Variants in SERAC1 observed in about 807,000 individuals in gnomAD.
SERAC1 encodes protein SERAC1.
Under a neutral mutation model 85.7 loss-of-function variants are expected in SERAC1, and 36 were observed. The observed-to-expected ratio is 0.42, with a 90% confidence interval of 0.32 to 0.55. The LOEUF (loss-of-function observed/expected upper bound fraction) is 0.55. Among genes scored for constraint, SERAC1 ranks in the 20% least tolerant of loss-of-function variants. The pLI, the probability that SERAC1 is intolerant of heterozygous loss-of-function variation, is 0.11. For synonymous variants in SERAC1, 242 were observed against 265.3 expected, an observed-to-expected ratio of 0.91 and a Z score of 0.85; for missense variants, 629 against 796.2, an observed-to-expected ratio of 0.79 and a Z score of 2.53.
intron 16 of SERAC1, 189 bp downstream of exon 16, chr6:158,113,260 G>T (rs897106016): frequency 1.8e-6 from 1 of 545,412 alleles, no homozygotes; most frequent in Non-Finnish European, 3.2e-6. Context: ...GCAGGGAGAG[G>T]TAATACCCGG....
rs1784372807 is a variant in SERAC1 at position 158,119,548 on chromosome 6, G to A, written c.1167-378C>T. Among the ~76,000 whole-genome samples, 2 of 152,136 alleles carry A rather than the reference G, an allele frequency of 1.3e-5. No individual in the cohort carries two copies. Among genetic ancestry groups the A allele is most frequent in the Non-Finnish European group, 2.9e-5 (2 of 68,022 alleles). On this transcript the variant is annotated intron_variant, in intron 11 of 16. Transcript: ENST00000647468. This position sits in a 1 kb window ranked among gnomAD's most constrained non-coding sequence, Gnocchi z 4.5. ...ATTAAAGAAGAACGTGCTAATAACA[G>A]TTTCAAAGTCAGTATATATAAAAGA...
At chr6:158,132,926 C>A (rs775828629) in intron 8 of SERAC1, among the ~76,000 whole-genome samples, 19 of 152,110 alleles carry the variant, frequency 1.2e-4, no homozygotes, top group Non-Finnish European at 2.1e-4. Flanking sequence ...ACATCAAATT[C>A]TATGAGTGCA....
At chr6:158,161,300 T>C (rs1434455214) in intron 1 of SERAC1, 2 of 152,026 alleles carry the variant, frequency 1.3e-5, no homozygotes, top group Non-Finnish European at 2.9e-5. Context: ...GAGGAATTGC[T>C]TGAGCCTGGG....
chr6:158,156,565 T>C (rs997088056), intron 2 of SERAC1, among the ~76,000 whole-genome samples: 1 of 151,528 alleles, frequency 6.6e-6, no homozygotes, highest in African/African-American at 2.4e-5. Context: ...AAACTGTAAT[T>C]CCTGCCCTAA....
intron 6 of SERAC1, 199 bp downstream of exon 6, chr6:158,146,575 ATTTTTTTG>A: frequency 2.4e-6 from 1 of 409,400 alleles, no homozygotes; most frequent in South Asian, 2.4e-5. Flanking sequence ...TGCCTGGCTA[ATTTTTTTG>A]TATTTTTAGT....
chr6:158,112,780 C>T (rs904813235), intron 16 of SERAC1: 1 of 146,742 alleles, frequency 6.8e-6, no homozygotes, highest in Non-Finnish European at 1.5e-5. Context: ...CCAGAGATAA[C>T]AGGCAAGCTG....
intron 10 of SERAC1, among the ~76,000 whole-genome samples, chr6:158,125,517 C>T (rs1784519450): frequency 6.6e-6 from 1 of 152,054 alleles, no homozygotes; most frequent in African/African-American, 2.4e-5. Flanking sequence ...CAGCCTCCAA[C>T]ATACAGCCTC....
At chr6:158,140,040 T>C (rs1476192968) in intron 8 of SERAC1, among the ~76,000 whole-genome samples, 7 of 152,220 alleles carry the variant, frequency 4.6e-5, no homozygotes, top group Non-Finnish European at 7.3e-5. Flanking sequence ...ATTCCACTCC[T>C]AGGTATATAC....
intron 15 of SERAC1, among the ~76,000 whole-genome samples, chr6:158,113,909 A>G (rs1784210083): frequency 6.6e-6 from 1 of 152,162 alleles, no homozygotes; most frequent in Non-Finnish European, 1.5e-5. Flanking sequence ...ACCCACCCCA[A>G]AGCCCAGCCT....
At chr6:158,116,075 TA>T in intron 14 of SERAC1, 109 bp downstream of exon 14, 1 of 789,612 alleles carries the variant, frequency 1.3e-6, no homozygotes, top group Non-Finnish European at 2.1e-6. Context: ...GCAGGGGGGG[TA>T]AGGGAGCCGC....
rs1785183144 is a variant in SERAC1 at position 158,150,675 on chromosome 6, T to C, written c.129-86A>G. 9.4e-6 allele frequency: 9 copies of C among 952,902 alleles called. No individual in the cohort carries two copies. The East Asian group carries it at 1.9e-4, about 20-fold the overall frequency. The allele number at this position is 952,902 out of a possible 1,614,324, so 59.0% of individuals were successfully genotyped here. On this transcript the variant is annotated intron_variant, in intron 3 of 16. Coordinates refer to ENST00000647468, the MANE Select transcript of SERAC1 (RefSeq NM_032861.4). ...CTCTTCTCTATTAAGCTTGTCATAG[T>C]AAACTTCTTTTTTGTTGGGAAACAT...
rs1301905811 is a variant in SERAC1, at chr6:158,117,012, A to G, written c.1403+715T>C. 1 of 153,540 alleles carries G rather than the reference A, an allele frequency of 6.5e-6. No individual in the cohort carries two copies. Among genetic ancestry groups the G allele is most frequent in the Admixed American group, 6.5e-5 (1 of 15,448 alleles). 9.5% of individuals were successfully genotyped at this position (153,540 alleles called of 1,614,324 possible). On this transcript the variant is annotated intron_variant, in intron 13 of 16. Coordinates refer to ENST00000647468, the MANE Select transcript of SERAC1 (RefSeq NM_032861.4). This position sits in a 1 kb window ranked among gnomAD's most constrained non-coding sequence, Gnocchi z 4.3. Reference sequence around the variant, plus strand: ...GAACTTCAAAACTATCTAGTCTGGTAGTTTCAAACTGTTTATTTGTAGACA... The same window carrying G: ...GAACTTCAAAACTATCTAGTCTGGTGGTTTCAAACTGTTTATTTGTAGACA...
At chr6:158,147,210 C>T (rs1321773965) in intron 5 of SERAC1, among the ~76,000 whole-genome samples, 1 of 151,888 alleles carries the variant, frequency 6.6e-6, no homozygotes, top group East Asian at 1.9e-4. Flanking sequence ...ACAATCGTGG[C>T]TCACTGCAGC....
At chr6:158,130,549 A>T (rs757085049) in intron 8 of SERAC1, 63 bp from the exon 9 acceptor site, 90 of 993,432 alleles carry the variant, frequency 9.1e-5, no homozygotes, top group Non-Finnish European at 1.3e-4. Flanking sequence ...GTTTGACAAA[A>T]AAAAAGAAAT....
chr6:158,122,002 C>T (rs1332548903), intron 10 of SERAC1, among the ~76,000 whole-genome samples: 1 of 152,216 alleles, frequency 6.6e-6, no homozygotes, highest in Admixed American at 6.5e-5. Flanking sequence ...TTTCAGTCAA[C>T]AATGAACCAC....
chr6:158,167,843 C>T (rs1467154336), intron 1 of SERAC1, among the ~76,000 whole-genome samples: 2 of 152,134 alleles, frequency 1.3e-5, no homozygotes, highest in Non-Finnish European at 2.9e-5. Context: ...TTTCCTCCTC[C>T]TCCTCATCTC....
intron 8 of SERAC1, 125 bp downstream of exon 8, chr6:158,142,931 G>T: frequency 2.8e-6 from 2 of 718,474 alleles, no homozygotes; most frequent in Non-Finnish European, 4.7e-6. Flanking sequence ...ATCCAGCCCA[G>T]GGCATGACAC....
chr6:158,143,834 C>T (rs1430802793), intron 7 of SERAC1, among the ~76,000 whole-genome samples: 1 of 152,124 alleles, frequency 6.6e-6, no homozygotes, highest in African/African-American at 2.4e-5. Flanking sequence ...CCAGAAACAT[C>T]TGGCAACGTC....
chr6:158,163,461 G>T (rs915404193), intron 1 of SERAC1, among the ~76,000 whole-genome samples: 5 of 152,158 alleles, frequency 3.3e-5, no homozygotes, highest in African/African-American at 1.2e-4. Flanking sequence ...GATTTGGGAG[G>T]CCAAGGTGGG....
Sources: gnomAD v4.1 joint callset for allele counts (sites outside exome capture counted in the v4.1 genomes callset) on GRCh38, gnomAD v4.1.1 for gene constraint, Gnocchi (gnomAD v3.1) non-coding constraint, MANE v1.5 for transcripts, NCBI Gene and HGNC (gene_info 2026-07-23, HGNC 2026-07-21) for gene names.